WDR11: variants seen among roughly 807,000 people sequenced by gnomAD.
WDR11 encodes WD repeat-containing protein 11.
Under a neutral mutation model 151.2 loss-of-function variants are expected in WDR11, and 83 were observed. The ratio of observed to expected loss-of-function variants is 0.55; its 90% confidence interval spans 0.46 to 0.66. The LOEUF (loss-of-function observed/expected upper bound fraction) is 0.66. WDR11 is among the 30% of genes least tolerant of loss of function. The pLI is 0.00. For synonymous variants in WDR11, 484 were observed against 533.1 expected, an observed-to-expected ratio of 0.91 and a Z score of 1.27; for missense variants, 1,301 against 1,480.9, an observed-to-expected ratio of 0.88 and a Z score of 1.99.
chr10:120,905,614 T>C, intron 26 of WDR11, 198 bp downstream of exon 26: 1 of 774,996 alleles, frequency 1.3e-6, no homozygotes, highest in Middle Eastern at 3.7e-4. Context: ...CTTGCATTGG[T>C]AGCAATTAAG....
Position 120,903,239 on chromosome 10 carries a change from T to C in WDR11, c.2931+7T>C, listed in dbSNP as rs1476424566. On this transcript the variant is annotated splice_region_variant and intron_variant, in intron 23 of 28. Transcript: ENST00000263461. ...TGAAAATGCCTACTTTCAGGTAGTC[T>C]GCTTCACACAGCAAAACCTTTAGAG... 1 of 1,614,078 alleles carries C rather than the reference T, an allele frequency of 6.2e-7. No individual in the cohort carries two copies. The highest frequency in any genetic ancestry group is 8.5e-7 in the Non-Finnish European group (1 of 1,180,018).
intron 20 of WDR11, 66 bp downstream of exon 20, chr10:120,900,203 A>G (rs1307901316): frequency 2.3e-6 from 3 of 1,324,842 alleles, no homozygotes; most frequent in African/African-American, 1.4e-5. Flanking sequence ...CATGAAAGTC[A>G]GCCATGGCCT....
At chr10:120,852,109 G>A in intron 1 of WDR11, 1 of 242,778 alleles carries the variant, frequency 4.1e-6, no homozygotes, top group South Asian at 5.3e-5. Flanking sequence ...ATGTTGTTAG[G>A]AGGACTGAAA....
intron 4 of WDR11, among the ~76,000 whole-genome samples, chr10:120,862,245 T>C (rs375318109): frequency 2.6e-5 from 4 of 152,126 alleles, no homozygotes; most frequent in African/African-American, 7.2e-5. Flanking sequence ...GTTCAAGCGA[T>C]TCTCCTGCCT....
chr10:120,902,746 T>A (rs971095399), intron 22 of WDR11, among the ~76,000 whole-genome samples: 3 of 149,660 alleles, frequency 2.0e-5, no homozygotes, highest in Non-Finnish European at 4.4e-5. Context: ...AGGAACTTCT[T>A]CCTAATGTGA....
At position 120,905,430 on chromosome 10, in the gene WDR11, A is replaced by G. The variant is rs1847999685; in HGVS notation, c.3291+14A>G. On this transcript the variant is annotated intron_variant, in intron 26 of 28. Transcript: ENST00000263461. The stretch of plus-strand genomic sequence containing the variant: ...TGGCTGGCAAAAGTAGGTGGTTCCA[A>G]GTTTCAATAGGTGCCCTCAACATTC... 8.7e-6 allele frequency: 14 copies of G among 1,613,452 alleles called. No individual in the cohort carries two copies. Among genetic ancestry groups the G allele is most frequent in the African/African-American group, 1.3e-5 (1 of 74,920 alleles).
intron 1 of WDR11, 57 bp downstream of exon 1, chr10:120,851,563 G>A: frequency 4.4e-6 from 7 of 1,573,874 alleles, no homozygotes; most frequent in Admixed American, 1.9e-5. Flanking sequence ...TGAGGGGGAA[G>A]GGGGAAGGAC....
intron 9 of WDR11, 76 bp from the exon 10 acceptor site, chr10:120,871,094 A>G: frequency 6.9e-7 from 1 of 1,452,934 alleles, no homozygotes; most frequent in Admixed American, 1.9e-5. Flanking sequence ...GAGCATTTCT[A>G]CTGAAAATTT....
chr10:120,893,464 G>A (rs1182260018), intron 19 of WDR11, among the ~76,000 whole-genome samples: 8 of 151,970 alleles, frequency 5.3e-5, no homozygotes, highest in South Asian at 2.1e-4. Flanking sequence ...GAATAGTGCC[G>A]TAATAAACAT....
In WDR11 at chr10:120,875,969, CT is replaced by C. The variant is rs1307798276; in HGVS notation, c.1556+2054del. Reference sequence around the variant, plus strand: ...ATTTTCTTAATGGAGAAGGGTTAACCTTTTTTTTCTTTTTTTTTTTTTTTTT... The same window carrying C: ...ATTTTCTTAATGGAGAAGGGTTAACCTTTTTTTCTTTTTTTTTTTTTTTTT... On this transcript the variant is annotated intron_variant, in intron 11 of 28. Transcript: ENST00000263461. Among the ~76,000 whole-genome samples, 49 of 131,186 alleles carry C rather than the reference CT, an allele frequency of 3.7e-4. No individual in the cohort carries two copies. In the South Asian group the frequency reaches 4.9e-3, roughly 13 times the overall value. 86.1% of individuals were successfully genotyped at this position (131,186 alleles called of 152,430 possible).
At chr10:120,878,281 A>T in intron 11 of WDR11, 72 bp from the exon 12 acceptor site, 1 of 1,277,520 alleles carries the variant, frequency 7.8e-7, no homozygotes, top group Admixed American at 1.9e-5. Flanking sequence ...TGGAAAACTT[A>T]TTTTTCAAAT....
chr10:120,891,108 T>A (rs1249371808), intron 19 of WDR11, among the ~76,000 whole-genome samples: 4 of 132,386 alleles, frequency 3.0e-5, no homozygotes, highest in Admixed American at 2.4e-4. Context: ...TCAGGTTTTT[T>A]AAGTGCCCCT....
At chr10:120,899,525 A>G (rs901974935) in intron 19 of WDR11, among the ~76,000 whole-genome samples, 4 of 152,168 alleles carry the variant, frequency 2.6e-5, no homozygotes, top group African/African-American at 4.8e-5. Context: ...GCTCATGCCT[A>G]TAATCCCAGG....
chr10:120,886,830 A>T lies in WDR11; in HGVS notation c.2115A>T (p.Pro705=), dbSNP rs754538385. The change falls in exon 16 of 29, where the codon CCA becomes CCT. Residue 705 remains proline, a synonymous_variant. Transcript: ENST00000263461. ...GNSVKDSARI[P]PDGSMGSITC... ...CAGTAAAAGACAGTGCTCGGATTCCACCAGATGTGAGTACAACCTTGATTA... is the reference window on the plus strand; with the variant it reads ...CAGTAAAAGACAGTGCTCGGATTCCTCCAGATGTGAGTACAACCTTGATTA... 3.7e-6 allele frequency: 6 copies of T among 1,614,062 alleles called. No homozygotes were observed. The highest frequency in any genetic ancestry group is 1.6e-4 in the Middle Eastern group (1 of 6,062).
intron 2 of WDR11, among the ~76,000 whole-genome samples, 188 bp downstream of exon 2, chr10:120,852,823 T>A (rs1265471873): frequency 6.6e-6 from 1 of 152,252 alleles, no homozygotes; most frequent in African/African-American, 2.4e-5. Context: ...TATTAAATGC[T>A]AGTTGTTAGA....
intron 27 of WDR11, chr10:120,906,441 A>G: frequency 1.6e-6 from 2 of 1,250,836 alleles, no homozygotes; most frequent in South Asian, 1.7e-5. Context: ...TCATTTATTC[A>G]AAACTAAGGG....
At chr10:120,852,351 C>T (rs2133718104) in intron 1 of WDR11, 173 bp from the exon 2 acceptor site, 1 of 614,178 alleles carries the variant, frequency 1.6e-6, no homozygotes. Flanking sequence ...GCATTTTAAG[C>T]TTAGCCAGAT....
intron 28 of WDR11, 94 bp from the exon 29 acceptor site, chr10:120,908,450 CGAGCAGCCAGCA>C: frequency 1.6e-6 from 2 of 1,242,726 alleles, no homozygotes; most frequent in Non-Finnish European, 2.4e-6. Context: ...AGGTCCCTTC[CGAGCAGCCAGCA>C]GAGCAGACGC....
intron 11 of WDR11, among the ~76,000 whole-genome samples, chr10:120,874,225 T>G (rs1564703429): frequency 1.4e-5 from 2 of 141,130 alleles, no homozygotes; most frequent in African/African-American, 5.2e-5. Context: ...TTGTTTTGTT[T>G]TGTTTTTTTT....
Sources: gnomAD v4.1 joint callset for allele counts (sites outside exome capture counted in the v4.1 genomes callset) on GRCh38, gnomAD v4.1.1 for gene constraint, MANE v1.5 for transcripts, NCBI Gene and HGNC (gene_info 2026-07-23, HGNC 2026-07-21) for gene names.